The following SERGEF variants were observed in gnomAD, a reference collection of about 807,000 sequenced individuals.
The protein encoded by SERGEF is secretion-regulating guanine nucleotide exchange factor.
Under a neutral mutation model 50.0 loss-of-function variants are expected in SERGEF, and 51 were observed. The observed-to-expected ratio is 1.02, with a 90% CI of 0.81 to 1.29. The LOEUF is 1.29. SERGEF is among the 50% of genes most tolerant of loss of function. The pLI is 0.00. For missense variants in SERGEF, 521 were observed against 557.0 expected (o/e 0.94, Z 0.65); for synonymous variants, 205 against 212.4 (o/e 0.97, Z 0.30).
At chr11:17,803,876 G>A (rs1849712799) in intron 10 of SERGEF, among the ~76,000 whole-genome samples, 1 of 152,222 alleles carries the variant, frequency 6.6e-6, no homozygotes, top group Non-Finnish European at 1.5e-5. Context: ...CGAGGGTTCA[G>A]ATTACTGTTT....
At chr11:18,009,762 T>C (rs369358591) in intron 1 of SERGEF, among the ~76,000 whole-genome samples, 11 of 152,302 alleles carry the variant, frequency 7.2e-5, no homozygotes, top group African/African-American at 2.6e-4. Context: ...TAATCCCTAA[T>C]CTGAAATGCT....
chr11:17,974,787 C>T (rs1458932299), intron 8 of SERGEF, among the ~76,000 whole-genome samples: 1 of 152,154 alleles, frequency 6.6e-6, no homozygotes. Context: ...TTGTTTTCAC[C>T]AAAATGGCAA....
chr11:17,957,284 C>T (rs1388340996), intron 9 of SERGEF, among the ~76,000 whole-genome samples: 2 of 152,156 alleles, frequency 1.3e-5, no homozygotes, highest in Non-Finnish European at 2.9e-5. Context: ...AAATTTCAAA[C>T]GGTAAGAAGA....
chr11:17,883,752 T>C (rs951096934), intron 9 of SERGEF, among the ~76,000 whole-genome samples: 12 of 152,276 alleles, frequency 7.9e-5, no homozygotes, highest in Middle Eastern at 3.4e-3. Flanking sequence ...CCTAGATTTA[T>C]AGGACCCAAA....
At chr11:17,919,545 A>T (rs1448933730) in intron 9 of SERGEF, among the ~76,000 whole-genome samples, 1 of 152,176 alleles carries the variant, frequency 6.6e-6, no homozygotes, top group Non-Finnish European at 1.5e-5. Context: ...ACAGACTCCA[A>T]ACCATTTGAA....
At chr11:17,949,125 G>A (rs1392699461) in intron 9 of SERGEF, among the ~76,000 whole-genome samples, 1 of 152,112 alleles carries the variant, frequency 6.6e-6, no homozygotes, top group Non-Finnish European at 1.5e-5. Flanking sequence ...CAAGGGAATG[G>A]TGTGGTTTTG....
chr11:17,989,222 A>G (rs1853660050), intron 7 of SERGEF, among the ~76,000 whole-genome samples: 1 of 152,256 alleles, frequency 6.6e-6, no homozygotes, highest in Admixed American at 6.5e-5. Context: ...CCAGCAGAAA[A>G]TATAATGCTA....
intron 9 of SERGEF, among the ~76,000 whole-genome samples, chr11:17,900,151 T>C (rs1250258998): frequency 6.6e-6 from 1 of 152,154 alleles, no homozygotes; most frequent in Non-Finnish European, 1.5e-5. Context: ...TAGTGGCTAA[T>C]AGTGCAGGGT....
intron 6 of SERGEF, among the ~76,000 whole-genome samples, chr11:17,994,835 C>T (rs191870212): frequency 6.6e-6 from 1 of 152,172 alleles, no homozygotes; most frequent in Admixed American, 6.5e-5. Context: ...GATCTCAACA[C>T]CCAATTACAT....
intron 9 of SERGEF, among the ~76,000 whole-genome samples, chr11:17,910,650 A>T (rs1243532225): frequency 6.6e-6 from 1 of 152,186 alleles, no homozygotes; most frequent in African/African-American, 2.4e-5. Context: ...TCATTCATTC[A>T]TTCATTCTAC....
chr11:17,868,629 A>T (rs1851075803), intron 10 of SERGEF, among the ~76,000 whole-genome samples: 1 of 152,142 alleles, frequency 6.6e-6, no homozygotes, highest in Admixed American at 6.5e-5. Flanking sequence ...GTATCAATTT[A>T]CTGTATTAGT....
At chr11:17,810,840 TC>T in intron 10 of SERGEF, among the ~76,000 whole-genome samples, 2 of 151,814 alleles carry the variant, frequency 1.3e-5, no homozygotes, top group Admixed American at 1.3e-4. Flanking sequence ...AAAACCTCCT[TC>T]CAGCAATTCT....
At chr11:17,926,849 G>C (rs1171672206) in intron 9 of SERGEF, 1 of 456,154 alleles carries the variant, frequency 2.2e-6, no homozygotes, top group East Asian at 7.0e-5. Context: ...TTCAGTATCT[G>C]GCATGTAATG....
chr11:17,827,580 A>G (rs529063646), intron 10 of SERGEF, among the ~76,000 whole-genome samples: 1 of 152,230 alleles, frequency 6.6e-6, no homozygotes, highest in African/African-American at 2.4e-5. Flanking sequence ...ACAATCTCCT[A>G]CTTGCCTTGG....
chr11:17,878,308 T>C (rs1254646549), intron 9 of SERGEF, 64 bp from the exon 10 acceptor site: 5 of 1,322,776 alleles, frequency 3.8e-6, no homozygotes, highest in South Asian at 2.7e-5. Flanking sequence ...TTTATAATCA[T>C]AGTTCTTTTC....
intron 10 of SERGEF, among the ~76,000 whole-genome samples, chr11:17,871,148 A>G (rs1341887064): frequency 6.6e-6 from 1 of 152,232 alleles, no homozygotes; most frequent in East Asian, 1.9e-4. Context: ...AAATACCTCA[A>G]ACCATTAAAG....
At chr11:17,986,847 G>A (rs560468773) in intron 8 of SERGEF, among the ~76,000 whole-genome samples, 3 of 152,284 alleles carry the variant, frequency 2.0e-5, no homozygotes, top group East Asian at 1.9e-4. Flanking sequence ...TAGCTGTATT[G>A]TTGCACATCT....
chr11:17,823,001 G>A (rs775136122), intron 10 of SERGEF, among the ~76,000 whole-genome samples: 8 of 152,084 alleles, frequency 5.3e-5, no homozygotes, highest in African/African-American at 1.7e-4. Context: ...TTAGCCAAAC[G>A]TCATATTGTA....
intron 9 of SERGEF, among the ~76,000 whole-genome samples, chr11:17,932,171 AAAAG>A (rs1448674064): frequency 6.6e-6 from 1 of 152,170 alleles, no homozygotes; most frequent in Non-Finnish European, 1.5e-5. Context: ...AGTATAATAA[AAAAG>A]AAAGAAAGAA....
Sources: allele counts gnomAD v4.1 joint callset (sites outside exome capture counted in the v4.1 genomes callset), GRCh38; gene constraint gnomAD v4.1.1; transcripts MANE v1.5; gene names NCBI Gene and HGNC (gene_info 2026-07-23, HGNC 2026-07-21).